The following TLE4 variants were observed in gnomAD, a reference collection of about 807,000 sequenced individuals.
TLE4 encodes the protein TLE family member 4, transcriptional corepressor, also known as transducin-like enhancer protein 4.
A neutral mutation model predicts 92.8 loss-of-function variants in TLE4; 8 were observed. That is an observed-to-expected ratio of 0.09 (90% CI 0.05 to 0.16). TLE4 has a LOEUF of 0.16. TLE4 is among the 10% of genes least tolerant of loss of function. TLE4 has a pLI of 1.00. For synonymous variants in TLE4, 371 were observed against 374.1 expected, an observed-to-expected ratio of 0.99 and a Z score of 0.10; for missense variants, 675 against 997.6, an observed-to-expected ratio of 0.68 and a Z score of 4.36.
chr9:79,598,729 C>T (rs1316392368), intron 4 of TLE4, among the ~76,000 whole-genome samples: 1 of 152,116 alleles, frequency 6.6e-6, no homozygotes, highest in Non-Finnish European at 1.5e-5. Flanking sequence ...TCCCCAAAGC[C>T]AGAAGGGTTT....
intron 8 of TLE4, among the ~76,000 whole-genome samples, chr9:79,679,600 T>G (rs1465736215): frequency 6.6e-6 from 1 of 152,226 alleles, no homozygotes; most frequent in Non-Finnish European, 1.5e-5. Context: ...TCTTTTGCTG[T>G]GCAGAAGCTC....
intron 4 of TLE4, 54 bp from the exon 5 acceptor site, chr9:79,612,602 C>T (rs377003664): frequency 7.1e-4 from 1,043 of 1,476,958 alleles, no homozygotes; most frequent in Non-Finnish European, 9.3e-4. Context: ...TTTGGGGAAT[C>T]TGTAACCAGC....
chr9:79,706,335 G>A (rs923413820), intron 10 of TLE4, among the ~76,000 whole-genome samples: 1 of 151,812 alleles, frequency 6.6e-6, no homozygotes, highest in African/African-American at 2.4e-5. Flanking sequence ...ATTTCTAAAG[G>A]GACCCACTTT....
At chr9:79,642,994 G>C (rs1290124444) in intron 6 of TLE4, among the ~76,000 whole-genome samples, 2 of 152,160 alleles carry the variant, frequency 1.3e-5, no homozygotes, top group African/African-American at 4.8e-5. Context: ...TTACAGATAA[G>C]CTTAGTTTGA....
At position 79,585,834 on chromosome 9, in the gene TLE4, A is replaced by G. The variant is rs549250571; in HGVS notation, c.252+9657A>G. Among the ~76,000 whole-genome samples the G allele has an allele frequency of 5.9e-5, 9 of 152,104 alleles. No individual in the cohort carries two copies. In the South Asian group the frequency reaches 1.2e-3, roughly 21 times the overall value. On this transcript the variant is annotated intron_variant, in intron 4 of 19. Coordinates refer to ENST00000376552, the MANE Select transcript of TLE4 (RefSeq NM_007005.6). Reference sequence around the variant, plus strand: ...TTTTTTCATGTAAACCCCAATAATAAAGCATTCCCCCCGTCCTGTGGATGA... The same window carrying G: ...TTTTTTCATGTAAACCCCAATAATAGAGCATTCCCCCCGTCCTGTGGATGA...
intron 8 of TLE4, among the ~76,000 whole-genome samples, chr9:79,665,737 A>AT (rs71364425): frequency 0.047 from 7,090 of 152,228 alleles, 209 homozygotes; most frequent in East Asian, 0.12. Flanking sequence ...TTATCATCTG[A>AT]TTTTTTGGCA....
intron 8 of TLE4, among the ~76,000 whole-genome samples, chr9:79,693,197 A>G (rs1233740782): frequency 6.6e-6 from 1 of 152,114 alleles, no homozygotes. Flanking sequence ...TACAACGTGA[A>G]TCTCTGCTTG....
intron 4 of TLE4, among the ~76,000 whole-genome samples, chr9:79,579,660 GTATT>G (rs1228966639): frequency 6.6e-6 from 1 of 152,018 alleles, no homozygotes. Flanking sequence ...ATATGTGTGT[GTATT>G]TGTGTGTGTG....
intron 7 of TLE4, chr9:79,653,045 T>G: frequency 1.9e-6 from 1 of 532,184 alleles, no homozygotes; most frequent in Non-Finnish European, 3.6e-6. Context: ...TCTTGCTACC[T>G]TCTATGTTCC....
At chr9:79,691,164 A>G (rs757423192) in intron 8 of TLE4, among the ~76,000 whole-genome samples, 11 of 151,986 alleles carry the variant, frequency 7.2e-5, no homozygotes, top group Non-Finnish European at 1.3e-4. Flanking sequence ...GACCACAGCA[A>G]CAGCTCCTTA....
At chr9:79,636,477 T>A (rs190387310) in intron 6 of TLE4, among the ~76,000 whole-genome samples, 3 of 152,262 alleles carry the variant, frequency 2.0e-5, no homozygotes, top group Non-Finnish European at 2.9e-5. Context: ...TAAGCCACTT[T>A]GGCCCCTTTC....
chr9:79,664,148 C>T (rs1486394775), intron 8 of TLE4, among the ~76,000 whole-genome samples: 1 of 152,190 alleles, frequency 6.6e-6, no homozygotes, highest in Non-Finnish European at 1.5e-5. Context: ...GGGCCTTGCC[C>T]TAAAGTGGAT....
intron 7 of TLE4, among the ~76,000 whole-genome samples, chr9:79,653,752 C>T (rs1276061328): frequency 1.3e-5 from 2 of 152,184 alleles, no homozygotes; most frequent in African/African-American, 2.4e-5. Flanking sequence ...ATCCAGTTAT[C>T]TTAATGCTAT....
intron 8 of TLE4, among the ~76,000 whole-genome samples, chr9:79,703,653 C>CTT (rs2070621349): frequency 6.6e-6 from 1 of 152,206 alleles, no homozygotes; most frequent in East Asian, 1.9e-4. Flanking sequence ...GTGAAGCATA[C>CTT]AGGCTGAGCC....
chr9:79,637,517 C>T (rs1001338836), intron 6 of TLE4, among the ~76,000 whole-genome samples: 1 of 152,156 alleles, frequency 6.6e-6, no homozygotes, highest in Non-Finnish European at 1.5e-5. Flanking sequence ...ATCTCTTTAT[C>T]TTGAGATCCA....
At chr9:79,606,711 T>C (rs552662989) in intron 4 of TLE4, among the ~76,000 whole-genome samples, 7 of 152,126 alleles carry the variant, frequency 4.6e-5, no homozygotes, top group African/African-American at 1.2e-4. Context: ...TGAACTCGTC[T>C]TTTTTTATGG....
At chr9:79,573,261 CG>C (rs1189083515) in intron 1 of TLE4, 2 of 1,019,458 alleles carry the variant, frequency 2.0e-6, no homozygotes, top group African/African-American at 3.4e-5. Context: ...CCGGGGCGAG[CG>C]GGCGAACGAA....
At chr9:79,710,668 G>C (rs2136026504) in intron 14 of TLE4, among the ~76,000 whole-genome samples, 1 of 152,238 alleles carries the variant, frequency 6.6e-6, no homozygotes, top group East Asian at 1.9e-4. Context: ...GTGGCTTAGT[G>C]TCTCATTTAG....
At chr9:79,575,122 G>A in intron 3 of TLE4, 186 bp downstream of exon 3, 1 of 371,116 alleles carries the variant, frequency 2.7e-6, no homozygotes, top group South Asian at 5.7e-5. Flanking sequence ...TTGACAACTG[G>A]CTTTGATTGG....
Sources: allele counts gnomAD v4.1 joint callset (sites outside exome capture counted in the v4.1 genomes callset), GRCh38; gene constraint gnomAD v4.1.1; transcripts MANE v1.5; gene names NCBI Gene and HGNC (gene_info 2026-07-23, HGNC 2026-07-21).